RALYL: variants seen among roughly 807,000 people sequenced by gnomAD.
RALYL encodes RNA-binding Raly-like protein.
RALYL carries 29 observed loss-of-function variants against 35.1 expected under a neutral mutation model. The ratio of observed to expected loss-of-function variants is 0.83; its 90% confidence interval spans 0.61 to 1.13. RALYL has a LOEUF of 1.13. RALYL is among the 50% of genes most tolerant of loss of function. RALYL has a pLI of 0.00. For missense variants in RALYL, 359 were observed against 360.4 expected, an observed-to-expected ratio of 1.00 and a Z score of 0.03; for synonymous variants, 120 against 127.6, an observed-to-expected ratio of 0.94 and a Z score of 0.40.
chr8:84,822,231 T>C (rs1828703317), intron 4 of RALYL, among the ~76,000 whole-genome samples: 1 of 152,198 alleles, frequency 6.6e-6, no homozygotes, highest in Admixed American at 6.5e-5. Flanking sequence ...AGAGAAGTTA[T>C]TTTAAAGATG....
chr8:84,388,358 A>C (rs1015162033), intron 1 of RALYL, among the ~76,000 whole-genome samples: 1 of 152,162 alleles, frequency 6.6e-6, no homozygotes, highest in Non-Finnish European at 1.5e-5. Context: ...GTATATACGC[A>C]GTAATGGGAT....
chr8:84,500,793 G>A (rs2056567542), intron 1 of RALYL, among the ~76,000 whole-genome samples: 1 of 152,144 alleles, frequency 6.6e-6, no homozygotes, highest in Non-Finnish European at 1.5e-5. Context: ...TGGCCTGGGA[G>A]CTAGGTTTGC....
chr8:84,425,015 CCT>C (rs2046189247), intron 1 of RALYL, among the ~76,000 whole-genome samples: 1 of 152,082 alleles, frequency 6.6e-6, no homozygotes, highest in Non-Finnish European at 1.5e-5. Context: ...TTGTCTGTGC[CCT>C]GCCCCCAGAG....
At chr8:84,848,398 CATAT>C (rs1033341028) in intron 4 of RALYL, among the ~76,000 whole-genome samples, 3 of 147,100 alleles carry the variant, frequency 2.0e-5, no homozygotes, top group East Asian at 2.0e-4. Flanking sequence ...TGTGTGTGTG[CATAT>C]ATATATGTGT....
chr8:84,350,174 C>A (rs1285577456), intron 1 of RALYL, among the ~76,000 whole-genome samples: 2 of 150,234 alleles, frequency 1.3e-5, no homozygotes, highest in Non-Finnish European at 3.0e-5. Context: ...ACTGGGCAGC[C>A]CCATGTATGA....
At chr8:84,491,075 T>C (rs2055242708) in intron 1 of RALYL, among the ~76,000 whole-genome samples, 1 of 151,842 alleles carries the variant, frequency 6.6e-6, no homozygotes, top group Non-Finnish European at 1.5e-5. Flanking sequence ...CTGTATTGTT[T>C]CCTCTGTCTA....
In RALYL at chr8:84,260,063, T is replaced by A. The variant is rs76987455; in HGVS notation, c.-24+75639T>A. 4.3e-3 allele frequency among the ~76,000 whole-genome samples: 652 copies of A among 152,306 alleles called. 6 individuals are homozygous for A. The highest frequency in any genetic ancestry group is 0.015 in the African/African-American group (632 of 41,572). On this transcript the variant is annotated intron_variant, in intron 1 of 8. Coordinates refer to ENST00000521268, the MANE Select transcript of RALYL (RefSeq NM_173848.7). The stretch of plus-strand genomic sequence containing the variant: ...CTATCTGGGTCTGGTCTGGCAGCTA[T>A]ACAAGAAGGATTGCACTTACAAGTT...
chr8:84,875,168 T>C (rs990469946), intron 7 of RALYL, among the ~76,000 whole-genome samples: 4 of 152,102 alleles, frequency 2.6e-5, no homozygotes, highest in African/African-American at 9.6e-5. Context: ...ACTGAAATAT[T>C]CTGTCATGTT....
intron 1 of RALYL, among the ~76,000 whole-genome samples, chr8:84,338,741 A>G (rs1341003884): frequency 6.6e-6 from 1 of 152,084 alleles, no homozygotes; most frequent in Non-Finnish European, 1.5e-5. Context: ...ATACTAACAC[A>G]TTGTCTGACA....
intron 3 of RALYL, among the ~76,000 whole-genome samples, chr8:84,804,509 A>T (rs1824125624): frequency 6.6e-6 from 1 of 152,230 alleles, no homozygotes; most frequent in South Asian, 2.1e-4. Context: ...TTAGATTAAT[A>T]CTATGATCAT....
At chr8:84,660,207 T>C (rs1830650918) in intron 2 of RALYL, among the ~76,000 whole-genome samples, 1 of 152,156 alleles carries the variant, frequency 6.6e-6, no homozygotes, top group South Asian at 2.1e-4. Context: ...TTTATGTACA[T>C]AAAGTTGAGA....
intron 1 of RALYL, among the ~76,000 whole-genome samples, chr8:84,216,272 G>GA (rs60026787): frequency 7.0e-6 from 1 of 142,254 alleles, no homozygotes; most frequent in Admixed American, 6.8e-5. Context: ...AAGGTTAACA[G>GA]AAAAAAATGG....
intron 2 of RALYL, among the ~76,000 whole-genome samples, chr8:84,709,831 C>T (rs184392847): frequency 5.6e-4 from 85 of 152,144 alleles, no homozygotes; most frequent in South Asian, 5.0e-3. Context: ...GAGGCCAAGG[C>T]GGGAGGATTA....
In RALYL at chr8:84,223,168, C is replaced by T. The variant is rs1822839851; in HGVS notation, c.-24+38744C>T. On this transcript the variant is annotated intron_variant, in intron 1 of 8. Transcript: ENST00000521268. ...CTTTCCTTTCCTTTCTTTCCTTCCT[C>T]CCTTCCCTTCCCTTCCCTTCCCTTC... Among the ~76,000 whole-genome samples, 185 of 33,274 alleles carry T rather than the reference C, an allele frequency of 5.6e-3. 2 individuals are homozygous for T. Among genetic ancestry groups the T allele is most frequent in the African/African-American group, 0.013 (100 of 7,970 alleles). The allele number at this position is 33,274 out of a possible 152,430, so 21.8% of individuals were successfully genotyped here. A position where few individuals can be genotyped will look rare whatever the true frequency, so the allele number is the denominator to read the frequency against.
chr8:84,716,740 C>T (rs1028087630), intron 2 of RALYL, among the ~76,000 whole-genome samples: 5 of 152,080 alleles, frequency 3.3e-5, no homozygotes, highest in Non-Finnish European at 5.9e-5. Flanking sequence ...TTTTCACCAT[C>T]CCAGTTTTCA....
Position 84,425,791 on chromosome 8 carries a change from G to A in RALYL, c.-23-103508G>A, listed in dbSNP as rs867722485. On this transcript the variant is annotated intron_variant, in intron 1 of 8. Transcript: ENST00000521268. ...GAAAGCCAGTTTTTCTTCTGTGTGTGTGTGTGTGTGTGTGTGTGTGTGTGT... is the reference window on the plus strand; with the variant it reads ...GAAAGCCAGTTTTTCTTCTGTGTGTATGTGTGTGTGTGTGTGTGTGTGTGT... Among the ~76,000 whole-genome samples the A allele has an allele frequency of 6.8e-4, 102 of 150,356 alleles. 1 individual carries two copies. Among genetic ancestry groups the A allele is most frequent in the African/African-American group, 1.6e-3 (67 of 40,698 alleles).
At chr8:84,471,083 A>G (rs753596874) in intron 1 of RALYL, among the ~76,000 whole-genome samples, 1 of 152,216 alleles carries the variant, frequency 6.6e-6, no homozygotes, top group Non-Finnish European at 1.5e-5. Context: ...TGAAACTGGA[A>G]TCAATATAAG....
At chr8:84,533,907 C>A (rs1270495667) in intron 2 of RALYL, among the ~76,000 whole-genome samples, 1 of 152,200 alleles carries the variant, frequency 6.6e-6, no homozygotes, top group African/African-American at 2.4e-5. Context: ...ATGCTTGTAA[C>A]AATTCCCGTC....
chr8:84,598,031 T>G (rs1815001527), intron 2 of RALYL, among the ~76,000 whole-genome samples: 1 of 152,160 alleles, frequency 6.6e-6, no homozygotes, highest in South Asian at 2.1e-4. Flanking sequence ...AAACCTCTGC[T>G]ATCTGAGCCC....
Sources: gnomAD v4.1 joint callset for allele counts (sites outside exome capture counted in the v4.1 genomes callset) on GRCh38, gnomAD v4.1.1 for gene constraint, MANE v1.5 for transcripts, NCBI Gene and HGNC (gene_info 2026-07-23, HGNC 2026-07-21) for gene names.